PRKCH: variants seen among roughly 807,000 people sequenced by gnomAD.
The protein encoded by PRKCH is protein kinase C eta type.
PRKCH carries 28 observed loss-of-function variants against 82.5 expected under a neutral mutation model. That is an observed-to-expected ratio of 0.34 (90% CI 0.25 to 0.47). PRKCH has a LOEUF of 0.47. Ranked by LOEUF, PRKCH falls within the 20% of genes least tolerant of loss-of-function variation. The pLI is 1.00. For synonymous variants in PRKCH, 322 were observed against 327.4 expected (o/e 0.98, Z 0.18); for missense variants, 705 against 881.8 (o/e 0.80, Z 2.54).
chr14:61,398,588 A>G (rs1280686041), intron 2 of PRKCH, among the ~76,000 whole-genome samples: 3 of 152,200 alleles, frequency 2.0e-5, no homozygotes, highest in Non-Finnish European at 2.9e-5. Flanking sequence ...GTGTCTCCTG[A>G]TGGAAGCCCA....
At chr14:61,396,452 A>G (rs1277998947) in intron 2 of PRKCH, among the ~76,000 whole-genome samples, 4 of 152,214 alleles carry the variant, frequency 2.6e-5, no homozygotes, top group African/African-American at 9.6e-5. Flanking sequence ...CACATCATAG[A>G]TGCTGGAGAG....
At chr14:61,444,893 G>C (rs368147994) in intron 3 of PRKCH, among the ~76,000 whole-genome samples, 1 of 152,154 alleles carries the variant, frequency 6.6e-6, no homozygotes, top group Non-Finnish European at 1.5e-5. Context: ...CAGTAGGAAC[G>C]GTTATCATTA....
At chr14:61,204,551 T>TA (rs2044507279) in intron 1 of PRKCH, among the ~76,000 whole-genome samples, 1 of 151,996 alleles carries the variant, frequency 6.6e-6, no homozygotes, top group Non-Finnish European at 1.5e-5. Flanking sequence ...ACTCAGGAGT[T>TA]AGAGACCAGT....
At position 61,321,878 on chromosome 14, in the gene PRKCH, C is replaced by T; in HGVS notation, c.-224C>T. On this transcript the variant is annotated 5_prime_UTR_variant, in exon 1 of 14. Coordinates refer to ENST00000332981, the MANE Select transcript of PRKCH (RefSeq NM_006255.5). This position sits in a 1 kb window ranked among gnomAD's most constrained non-coding sequence, Gnocchi z 4.1. ...GGGCTTCCCCGGCCCGCTGAGGGCT[C>T]GGCGGCGGGCTCCCCTCCTTTCCAC... 1 of 466,810 alleles carries T rather than the reference C, an allele frequency of 2.1e-6. No homozygotes were observed. Among genetic ancestry groups the T allele is most frequent in the South Asian group, 2.8e-5 (1 of 35,088 alleles). 28.9% of individuals were successfully genotyped at this position (466,810 alleles called of 1,614,324 possible).
At chr14:61,200,542 T>G (rs1239767815) in intron 1 of PRKCH, among the ~76,000 whole-genome samples, 1 of 152,200 alleles carries the variant, frequency 6.6e-6, no homozygotes, top group East Asian at 1.9e-4. Context: ...TCTTTCCATT[T>G]GTCAGGGACT....
chr14:61,429,686 G>A lies in PRKCH; in HGVS notation c.428-13425G>A, dbSNP rs545024383. 1.6e-4 allele frequency among the ~76,000 whole-genome samples: 24 copies of A among 151,988 alleles called. No homozygotes were observed. In the South Asian group the frequency reaches 3.5e-3, roughly 22 times the overall value. On this transcript the variant is annotated intron_variant, in intron 2 of 13. Transcript: ENST00000332981. ...AACTAACAAGACCCATTCTAAAGAC[G>A]CCAGGAAAATAAAATAAAAACCCAT...
chr14:61,231,925 C>T (rs553119961), intron 1 of PRKCH, among the ~76,000 whole-genome samples: 3 of 152,182 alleles, frequency 2.0e-5, no homozygotes, highest in Non-Finnish European at 4.4e-5. Flanking sequence ...ACACACCAAG[C>T]AAGTAATCCT....
intron 2 of PRKCH, among the ~76,000 whole-genome samples, chr14:61,420,944 G>T (rs1882806002): frequency 6.6e-6 from 1 of 152,058 alleles, no homozygotes; most frequent in South Asian, 2.1e-4. Flanking sequence ...CACCCACTCT[G>T]GCCCTAGATA....
chr14:61,513,853 G>T (rs1369584723), intron 10 of PRKCH, among the ~76,000 whole-genome samples: 1 of 152,106 alleles, frequency 6.6e-6, no homozygotes, highest in Non-Finnish European at 1.5e-5. Flanking sequence ...GCCCTGGGCA[G>T]AGGAGGACAT....
chr14:61,516,258 A>G (rs1193756626), intron 10 of PRKCH, among the ~76,000 whole-genome samples: 1 of 152,142 alleles, frequency 6.6e-6, no homozygotes, highest in African/African-American at 2.4e-5. Context: ...CTCCAAACTG[A>G]AATAGCCACT....
chr14:61,433,460 G>C (rs1028398462), intron 2 of PRKCH, among the ~76,000 whole-genome samples: 1 of 152,166 alleles, frequency 6.6e-6, no homozygotes, highest in Non-Finnish European at 1.5e-5. Flanking sequence ...ATCTGGAAAA[G>C]ATTTTGGTTG....
intron 1 of PRKCH, among the ~76,000 whole-genome samples, chr14:61,270,018 G>A (rs1350244399): frequency 6.6e-6 from 1 of 152,222 alleles, no homozygotes; most frequent in Non-Finnish European, 1.5e-5. Context: ...GACATGCAAA[G>A]GGGCTGGCAC....
chr14:61,450,999 C>T (rs1231454105), intron 6 of PRKCH, 28 bp downstream of exon 6: 8 of 1,610,738 alleles, frequency 5.0e-6, no homozygotes, highest in Non-Finnish European at 5.9e-6. Flanking sequence ...TGGGTACCCA[C>T]CTCTTCATGG....
chr14:61,542,292 C>A (rs10141758), intron 12 of PRKCH, among the ~76,000 whole-genome samples: 10,647 of 144,994 alleles, frequency 0.073, 1,318 homozygotes, highest in African/African-American at 0.26. Flanking sequence ...GACTCCATAT[C>A]AAAAAAAAAC....
chr14:61,382,694 A>G (rs1013143642), intron 1 of PRKCH, among the ~76,000 whole-genome samples: 2 of 152,182 alleles, frequency 1.3e-5, no homozygotes, highest in Admixed American at 1.3e-4. Context: ...CTTCTCTATT[A>G]CAGAGGTTTG....
rs940305482 is a variant in PRKCH, at chr14:61,409,729, G to T, written c.427+18441G>T. On this transcript the variant is annotated intron_variant, in intron 2 of 13. Transcript: ENST00000332981. ...AAAAAAAAAAAAAAAAAAAAAAAAA[G>T]AGTTAATGTTTATAAGGTGTTTCTA... Among the ~76,000 whole-genome samples, 4 of 126,002 alleles carry T rather than the reference G, an allele frequency of 3.2e-5. No homozygotes were observed. In the Admixed American group the frequency reaches 3.3e-4, roughly 10 times the overall value. 82.7% of individuals were successfully genotyped at this position (126,002 alleles called of 152,430 possible). A position where few individuals can be genotyped will look rare whatever the true frequency, so the allele number is the denominator to read the frequency against.
intron 1 of PRKCH, among the ~76,000 whole-genome samples, chr14:61,385,254 G>A (rs866870749): frequency 1.3e-5 from 2 of 152,238 alleles, no homozygotes; most frequent in Middle Eastern, 3.4e-3. Flanking sequence ...AATGACATAG[G>A]TAGCCTGAGG....
intron 10 of PRKCH, chr14:61,525,539 T>A (rs919407763): frequency 1.3e-5 from 2 of 152,218 alleles, no homozygotes; most frequent in Non-Finnish European, 2.9e-5. Flanking sequence ...CAGAGCTGAT[T>A]GTAATAGTTG....
chr14:61,408,315 G>A (rs1449427870), intron 2 of PRKCH, among the ~76,000 whole-genome samples: 1 of 152,102 alleles, frequency 6.6e-6, no homozygotes, highest in African/African-American at 2.4e-5. Context: ...AATTTGTTTG[G>A]ATCAGAAGAT....
Sources: gnomAD v4.1 joint callset for allele counts (sites outside exome capture counted in the v4.1 genomes callset) on GRCh38, gnomAD v4.1.1 for gene constraint, Gnocchi (gnomAD v3.1) non-coding constraint, MANE v1.5 for transcripts, NCBI Gene and HGNC (gene_info 2026-07-23, HGNC 2026-07-21) for gene names.